HOOK1: variants seen among roughly 807,000 people sequenced by gnomAD.
The protein encoded by HOOK1 is protein Hook homolog 1.
In HOOK1, 60 loss-of-function variants were observed where a neutral mutation model predicts 112.8. The ratio of observed to expected loss-of-function variants is 0.53; its 90% CI spans 0.43 to 0.66. The LOEUF is 0.66. Among genes scored for constraint, HOOK1 ranks in the 30% least tolerant of loss-of-function variants. The probability of loss-of-function intolerance (pLI) is 0.00; values close to 1 mark genes in which losing one functional copy is unlikely to be tolerated. For synonymous variants in HOOK1, 294 were observed against 283.8 expected, an observed-to-expected ratio of 1.04 and a Z score of -0.36; for missense variants, 770 against 856.0, an observed-to-expected ratio of 0.90 and a Z score of 1.25.
intron 21 of HOOK1, among the ~76,000 whole-genome samples, chr1:59,872,542 AG>A (rs1224520364): frequency 1.3e-5 from 2 of 152,168 alleles, no homozygotes; most frequent in Non-Finnish European, 2.9e-5. Context: ...GTCTAATTCC[AG>A]GCCATTCTTT....
At chr1:59,835,505 C>A in intron 6 of HOOK1, 93 bp downstream of exon 6, 1 of 748,470 alleles carries the variant, frequency 1.3e-6, no homozygotes, top group Non-Finnish European at 2.2e-6. Flanking sequence ...TAAAAACTTG[C>A]TCTTTGTTGT....
Position 59,815,134 on chromosome 1 carries a change from C to A in HOOK1, c.17C>A (p.Pro6Gln). 1 of 1,542,034 alleles carries A rather than the reference C, an allele frequency of 6.5e-7. No individual in the cohort carries two copies. The stretch of plus-strand genomic sequence containing the variant: ...GCGCCGGCCATGGAGGAGACGCAGC[C>A]GCCGCCGCAGCCTAAGCTGCCCCTG... MEETQPPPQPKLPLCD... is the reference protein window; with the variant it reads MEETQQPPQPKLPLCD... The change falls in exon 1 of 22, where the codon CCG becomes CAG. Residue 6 changes from proline to glutamine, a missense_variant. By Grantham distance (76) the Pro-to-Gln change is moderately conservative (BLOSUM62 -1). Around this residue, in one of 3 missense-constraint regions of HOOK1, gnomAD observed 655 missense variants for 725.9 expected, o/e 0.90. Transcript: ENST00000371208.
intron 8 of HOOK1, among the ~76,000 whole-genome samples, chr1:59,842,020 A>G (rs992313568): frequency 6.6e-6 from 1 of 152,084 alleles, no homozygotes; most frequent in African/African-American, 2.4e-5. Context: ...TGTGCCAGAG[A>G]TGGCTCTGGA....
chr1:59,846,561 TC>T (rs1559053090), intron 9 of HOOK1, among the ~76,000 whole-genome samples: 45 of 62,298 alleles, frequency 7.2e-4, no homozygotes, highest in African/African-American at 3.1e-3. Flanking sequence ...CTTCCTTCCT[TC>T]CTTCCTTCCT....
At position 59,840,341 on chromosome 1, in the gene HOOK1, C is replaced by T. The variant is rs780454066; in HGVS notation, c.571C>T (p.Leu191=). The T allele has an allele frequency of 1.1e-5, 17 of 1,597,464 alleles. No homozygotes were observed. The highest frequency in any genetic ancestry group is 1.4e-5 in the Non-Finnish European group (17 of 1,172,518). The change falls in exon 8 of 22, where the codon CTA becomes TTA. Residue 191 remains leucine (L), a synonymous_variant. Transcript: ENST00000371208. ...AGCCTTGGAAGAACTTCAGGAAGCA[C>T]TAGCAGAAAAAGAAGAGCTGAGGCA... is the stretch of plus-strand genomic sequence containing the variant. ...KRALEELQEA[L]AEKEELRQRC... is the part of the protein sequence containing the mutation.
intron 7 of HOOK1, among the ~76,000 whole-genome samples, chr1:59,838,321 A>G (rs1440328653): frequency 6.6e-6 from 1 of 152,170 alleles, no homozygotes; most frequent in Non-Finnish European, 1.5e-5. Flanking sequence ...ACAGTGTAAA[A>G]GCGTTCCTAT....
chr1:59,864,124 T>G (rs2098415044), intron 16 of HOOK1, among the ~76,000 whole-genome samples: 1 of 152,024 alleles, frequency 6.6e-6, no homozygotes, highest in Non-Finnish European at 1.5e-5. Flanking sequence ...TTTAAAATTT[T>G]GCTTTTTAAC....
chr1:59,861,809 C>T (rs1451746010), intron 15 of HOOK1, among the ~76,000 whole-genome samples: 3 of 152,152 alleles, frequency 2.0e-5, no homozygotes, highest in African/African-American at 7.2e-5. Flanking sequence ...GAATCCTAGA[C>T]ACCAACAGAA....
At chr1:59,840,750 T>A (rs2102031993) in intron 8 of HOOK1, among the ~76,000 whole-genome samples, 1 of 152,244 alleles carries the variant, frequency 6.6e-6, no homozygotes. Context: ...TATTAAGTGG[T>A]ACCTGACACT....
intron 17 of HOOK1, chr1:59,864,896 G>A (rs1303280561): frequency 9.1e-6 from 5 of 551,436 alleles, no homozygotes; most frequent in Admixed American, 7.2e-5. Flanking sequence ...TAAAAAAACA[G>A]ATTAACTATC....
intron 7 of HOOK1, among the ~76,000 whole-genome samples, chr1:59,837,253 A>AT (rs1235325989): frequency 1.3e-5 from 2 of 152,078 alleles, no homozygotes; most frequent in South Asian, 2.1e-4. Flanking sequence ...TAATAATGTA[A>AT]TTTTTTTCAC....
At chr1:59,836,742 C>T (rs11207523) in intron 6 of HOOK1, 131 bp from the exon 7 acceptor site, 91,102 of 517,906 alleles carry the variant, frequency 0.18, 9,995 homozygotes, top group African/African-American at 0.42. Context: ...ATCTGAATAG[C>T]GTTCTAAGGA....
chr1:59,850,438 C>A (rs2098406560), intron 12 of HOOK1, among the ~76,000 whole-genome samples: 1 of 151,270 alleles, frequency 6.6e-6, no homozygotes, highest in Admixed American at 6.6e-5. Flanking sequence ...TCTAAAAAAA[C>A]CACTGTGTAA....
At chr1:59,863,838 C>A in intron 16 of HOOK1, 1 of 968,806 alleles carries the variant, frequency 1.0e-6, no homozygotes, top group African/African-American at 1.8e-5. Flanking sequence ...TCGTCTCATG[C>A]ATGGCGGCAT....
chr1:59,815,181 G>A lies in HOOK1; in HGVS notation c.63+1G>A. 6.5e-7 allele frequency: 1 copy of A among 1,543,646 alleles called. No homozygotes were observed. Among genetic ancestry groups the A allele is most frequent in the Non-Finnish European group, 8.7e-7 (1 of 1,146,486 alleles). On this transcript the variant is annotated splice_donor_variant, in intron 1 of 21. Coordinates refer to ENST00000371208, the MANE Select transcript of HOOK1 (RefSeq NM_015888.6). LOFTEE classifies it high-confidence loss of function. ...CCTGTGCGACAGCCTCATGATCTGG[G>A]TGAGTGCGAGGAGGCGAGAGGGCGA...
At chr1:59,823,091 A>C (rs550893984) in intron 2 of HOOK1, among the ~76,000 whole-genome samples, 146 of 152,268 alleles carry the variant, frequency 9.6e-4, no homozygotes, top group African/African-American at 2.9e-3. Context: ...GAGGCCGAGG[A>C]GGGCGAATCA....
intron 6 of HOOK1, among the ~76,000 whole-genome samples, chr1:59,836,366 G>A (rs1164028279): frequency 6.6e-6 from 1 of 152,164 alleles, no homozygotes; most frequent in African/African-American, 2.4e-5. Flanking sequence ...TTTGTAGTCT[G>A]TACTCCCTGA....
rs113987007 is a variant in HOOK1 at position 59,861,878 on chromosome 1, C to T, written c.1533-906C>T. On this transcript the variant is annotated intron_variant, in intron 15 of 21. Transcript: ENST00000371208. ...ACTTGTGTGTATAAGGTTACATAAA[C>T]GGTGGTTAAAAGAAGAATAACAATT... is the stretch of plus-strand genomic sequence containing the variant. Among the ~76,000 whole-genome samples, 741 of 152,224 alleles carry T rather than the reference C, an allele frequency of 4.9e-3. 3 individuals are homozygous for T. The highest frequency in any genetic ancestry group is 0.017 in the African/African-American group (701 of 41,552).
rs763380032 is a variant in HOOK1, at chr1:59,847,087, A to G, written c.831A>G (p.Glu277=). ...ATGATTACCGTGTTCACTGTGAAGA[A>G]CTTGAAAAGCAGCTAATCGAATTCC... ...AKDDYRVHCE[E]LEKQLIEFQH... Residue 277 remains glutamate, a synonymous_variant, in exon 10 of 22, where the codon GAA becomes GAG. Coordinates refer to ENST00000371208, the MANE Select transcript of HOOK1 (RefSeq NM_015888.6). 2 of 1,609,762 alleles carry G rather than the reference A, an allele frequency of 1.2e-6. No individual in the cohort carries two copies. Among genetic ancestry groups the G allele is most frequent in the African/African-American group, 2.7e-5 (2 of 74,806 alleles).
Sources: allele counts gnomAD v4.1 joint callset (sites outside exome capture counted in the v4.1 genomes callset), GRCh38; gene constraint gnomAD v4.1.1; regional missense constraint gnomAD v4.1.1; transcripts MANE v1.5; gene names NCBI Gene and HGNC (gene_info 2026-07-23, HGNC 2026-07-21).